CNTNAP5: variants seen among roughly 807,000 people sequenced by gnomAD.
CNTNAP5 encodes the protein contactin-associated protein-like 5.
Under a neutral mutation model 150.2 loss-of-function variants are expected in CNTNAP5, and 72 were observed. The ratio of observed to expected loss-of-function variants is 0.48; its 90% confidence interval spans 0.40 to 0.58. The LOEUF is 0.58. CNTNAP5 is among the 20% of genes least tolerant of loss of function. The pLI is 0.00. For missense variants in CNTNAP5, 1,636 were observed against 1,626.2 expected (o/e 1.01, Z -0.10); for synonymous variants, 672 against 619.8 (o/e 1.08, Z -1.25).
intron 1 of CNTNAP5, among the ~76,000 whole-genome samples, chr2:124,060,951 T>C (rs1185105747): frequency 6.6e-6 from 1 of 152,114 alleles, no homozygotes; most frequent in African/African-American, 2.4e-5. Flanking sequence ...ACTCAGCCAA[T>C]GTCATTTAAG....
intron 19 of CNTNAP5, among the ~76,000 whole-genome samples, chr2:124,830,330 CTAGT>C (rs1204161734): frequency 1.3e-5 from 2 of 151,936 alleles, no homozygotes; most frequent in Non-Finnish European, 2.9e-5. Context: ...CTCAGTTTTC[CTAGT>C]TAATCAAAAA....
intron 12 of CNTNAP5, among the ~76,000 whole-genome samples, chr2:124,617,947 A>C (rs990747935): frequency 6.6e-6 from 1 of 152,172 alleles, no homozygotes; most frequent in African/African-American, 2.4e-5. Context: ...AAGCATTTCC[A>C]GGAAGACAGA....
intron 10 of CNTNAP5, among the ~76,000 whole-genome samples, chr2:124,527,973 A>C (rs1411857808): frequency 4.0e-5 from 6 of 151,730 alleles, no homozygotes; most frequent in Non-Finnish European, 8.8e-5. Context: ...GATCAGAAAA[A>C]CTCACTTTAT....
At chr2:124,592,167 G>C (rs1261983830) in intron 11 of CNTNAP5, among the ~76,000 whole-genome samples, 2 of 152,008 alleles carry the variant, frequency 1.3e-5, no homozygotes, top group African/African-American at 4.8e-5. Context: ...AGCACAAATG[G>C]TGTTTTTAAA....
At chr2:124,612,082 T>C (rs1677396173) in intron 12 of CNTNAP5, among the ~76,000 whole-genome samples, 1 of 152,232 alleles carries the variant, frequency 6.6e-6, no homozygotes, top group Admixed American at 6.5e-5. Flanking sequence ...TATGTTCTAT[T>C]ACATACATTT....
At chr2:124,121,297 T>A (rs1456689013) in intron 1 of CNTNAP5, among the ~76,000 whole-genome samples, 1 of 152,188 alleles carries the variant, frequency 6.6e-6, no homozygotes, top group South Asian at 2.1e-4. Context: ...ACCCTTTAAA[T>A]CACACTTCAT....
intron 3 of CNTNAP5, among the ~76,000 whole-genome samples, chr2:124,322,427 A>T (rs559688712): frequency 7.9e-5 from 12 of 152,274 alleles, no homozygotes; most frequent in Admixed American, 3.3e-4. Context: ...AGGGCTTATC[A>T]TCTGTAGATA....
At chr2:124,261,898 A>G (rs2104601958) in intron 3 of CNTNAP5, among the ~76,000 whole-genome samples, 1 of 152,246 alleles carries the variant, frequency 6.6e-6, no homozygotes, top group East Asian at 1.9e-4. Flanking sequence ...AACAAGCACA[A>G]TTTTTAGTTT....
chr2:124,372,162 T>C (rs1690544006), intron 3 of CNTNAP5, among the ~76,000 whole-genome samples: 1 of 152,010 alleles, frequency 6.6e-6, no homozygotes, highest in Admixed American at 6.6e-5. Context: ...TGAGATGAAT[T>C]TTCATCTCCT....
chr2:124,572,991 T>G (rs1351523244), intron 11 of CNTNAP5, among the ~76,000 whole-genome samples: 3 of 152,204 alleles, frequency 2.0e-5, no homozygotes, highest in Non-Finnish European at 2.9e-5. Flanking sequence ...CATTTCTCCT[T>G]GCATATTTGG....
intron 13 of CNTNAP5, among the ~76,000 whole-genome samples, chr2:124,651,066 C>T (rs915096989): frequency 6.6e-6 from 1 of 152,240 alleles, no homozygotes; most frequent in Non-Finnish European, 1.5e-5. Context: ...ACTGAGTGCC[C>T]GTTTCCCAGC....
At chr2:124,624,725 A>G (rs1677683916) in intron 12 of CNTNAP5, among the ~76,000 whole-genome samples, 3 of 152,198 alleles carry the variant, frequency 2.0e-5, no homozygotes, top group African/African-American at 7.2e-5. Context: ...ATAGAATAGA[A>G]GCTGGTAGAT....
In CNTNAP5 at chr2:124,384,353, C is replaced by T. The variant is rs1690878344; in HGVS notation, c.382-33090C>T. 1.3e-5 allele frequency among the ~76,000 whole-genome samples: 2 copies of T among 151,986 alleles called. 1 individual carries two copies. Among genetic ancestry groups the T allele is most frequent in the South Asian group, 4.1e-4 (2 of 4,830 alleles). On this transcript the variant is annotated intron_variant, in intron 3 of 23. Coordinates refer to ENST00000682447, the MANE Select transcript of CNTNAP5 (RefSeq NM_001367498.1). The stretch of plus-strand genomic sequence containing the variant: ...TCTTTCCCATATGGAAAAATATATA[C>T]ATTTATATGTTATTGTAGTAGGAAA...
At chr2:124,233,397 C>T (rs929546485) in intron 2 of CNTNAP5, among the ~76,000 whole-genome samples, 1 of 152,054 alleles carries the variant, frequency 6.6e-6, no homozygotes, top group Admixed American at 6.6e-5. Context: ...CTATGTTTTC[C>T]CAAGTTCCTT....
At chr2:124,854,417 A>T (rs1466242030) in intron 19 of CNTNAP5, among the ~76,000 whole-genome samples, 1 of 152,162 alleles carries the variant, frequency 6.6e-6, no homozygotes, top group East Asian at 1.9e-4. Context: ...CCATTTTTTA[A>T]TCTGAGGATT....
intron 3 of CNTNAP5, among the ~76,000 whole-genome samples, chr2:124,369,921 A>G (rs720477): frequency 0.74 from 112,724 of 152,046 alleles, 42,781 homozygotes; most frequent in African/African-American, 0.89. Flanking sequence ...GTGGTCATGG[A>G]GCAGTTTCAC....
chr2:124,909,554 C>G (rs1404879277), intron 22 of CNTNAP5, among the ~76,000 whole-genome samples: 1 of 151,928 alleles, frequency 6.6e-6, no homozygotes, highest in Non-Finnish European at 1.5e-5. Flanking sequence ...CAGGGATAAA[C>G]AAGAATAACA....
At chr2:124,772,636 T>A (rs140142399) in intron 16 of CNTNAP5, among the ~76,000 whole-genome samples, 163 bp from the exon 17 acceptor site, 1 of 152,286 alleles carries the variant, frequency 6.6e-6, no homozygotes, top group African/African-American at 2.4e-5. Flanking sequence ...ACACATTTAA[T>A]TTGGTAGCTG....
At chr2:124,848,516 A>T (rs1683094804) in intron 19 of CNTNAP5, among the ~76,000 whole-genome samples, 1 of 152,168 alleles carries the variant, frequency 6.6e-6, no homozygotes, top group African/African-American at 2.4e-5. Flanking sequence ...ATATATATCC[A>T]GAAGTAGGAT....
Sources: gnomAD v4.1 joint callset for allele counts (sites outside exome capture counted in the v4.1 genomes callset) on GRCh38, gnomAD v4.1.1 for gene constraint, MANE v1.5 for transcripts, NCBI Gene and HGNC (gene_info 2026-07-23, HGNC 2026-07-21) for gene names.